The following ADARB1 variants were observed in gnomAD, a reference collection of about 807,000 sequenced individuals.
ADARB1 encodes double-stranded RNA-specific editase 1.
In ADARB1, 10 loss-of-function variants were observed where a neutral mutation model predicts 52.4. The ratio of observed to expected loss-of-function variants is 0.19; its 90% CI spans 0.12 to 0.32. The LOEUF is 0.32. Among genes scored for constraint, ADARB1 ranks in the 10% least tolerant of loss-of-function variants. The pLI is 1.00. For missense variants in ADARB1, 643 were observed against 922.3 expected (o/e 0.70, Z 3.92); for synonymous variants, 349 against 371.1 (o/e 0.94, Z 0.68).
At chr21:45,080,120 AG>A (rs2086096783) in intron 1 of ADARB1, among the ~76,000 whole-genome samples, 1 of 152,098 alleles carries the variant, frequency 6.6e-6, no homozygotes, top group Admixed American at 6.5e-5. Flanking sequence ...TGACCTTGAT[AG>A]GTTTGGAGTG....
chr21:45,119,544 A>C (rs1400749757), intron 1 of ADARB1, among the ~76,000 whole-genome samples: 1 of 152,244 alleles, frequency 6.6e-6, no homozygotes, highest in Admixed American at 6.5e-5. Flanking sequence ...AGTTCTTATG[A>C]GACGTGTTGT....
At chr21:45,161,380 G>C (rs434492) in intron 2 of ADARB1, among the ~76,000 whole-genome samples, 97,251 of 152,120 alleles carry the variant, frequency 0.64, 31,402 homozygotes, top group African/African-American at 0.74. Flanking sequence ...TGCTTGGTCT[G>C]TCCCCACTCC....
At chr21:45,159,186 A>T (rs1288235513) in intron 2 of ADARB1, among the ~76,000 whole-genome samples, 2 of 152,210 alleles carry the variant, frequency 1.3e-5, no homozygotes, top group South Asian at 4.1e-4. Flanking sequence ...AGGCCTCTCA[A>T]TCATGACGGA....
intron 3 of ADARB1, among the ~76,000 whole-genome samples, chr21:45,173,914 A>G (rs2091586661): frequency 6.6e-6 from 1 of 152,048 alleles, no homozygotes; most frequent in Non-Finnish European, 1.5e-5. Context: ...CTTAGCCTCT[A>G]CCACAGTGTG....
intron 8 of ADARB1, among the ~76,000 whole-genome samples, chr21:45,190,019 T>G (rs6518215): frequency 0.17 from 25,596 of 152,128 alleles, 3,216 homozygotes; most frequent in African/African-American, 0.35. Flanking sequence ...CAATTATTTC[T>G]TCAAATAAGC....
chr21:45,185,222 T>C, intron 8 of ADARB1, 131 bp downstream of exon 8: 1 of 1,235,234 alleles, frequency 8.1e-7, no homozygotes, highest in Non-Finnish European at 1.1e-6. Context: ...ACAGTATTCT[T>C]TGAAGGACTG....
At chr21:45,195,564 T>TG (rs2092406057) in intron 8 of ADARB1, among the ~76,000 whole-genome samples, 1 of 152,152 alleles carries the variant, frequency 6.6e-6, no homozygotes, top group Admixed American at 6.5e-5. Flanking sequence ...GTGACCTACT[T>TG]TGAGTTAATT....
chr21:45,118,096 A>G (rs2087931671), intron 1 of ADARB1, among the ~76,000 whole-genome samples: 1 of 152,248 alleles, frequency 6.6e-6, no homozygotes, highest in Admixed American at 6.5e-5. Context: ...TAACATTTAT[A>G]GTATTATGAT....
At chr21:45,138,572 A>G (rs2089520206) in intron 2 of ADARB1, among the ~76,000 whole-genome samples, 1 of 152,214 alleles carries the variant, frequency 6.6e-6, no homozygotes, top group South Asian at 2.1e-4. Flanking sequence ...GGAAGCCCTC[A>G]GCATATTTTC....
chr21:45,124,751 C>T (rs909660385), intron 1 of ADARB1, among the ~76,000 whole-genome samples: 1 of 38,450 alleles, frequency 2.6e-5, no homozygotes, highest in African/African-American at 1.2e-4. Flanking sequence ...AGTTGTATTT[C>T]TTTTCTTTTT....
chr21:45,160,558 T>C (rs1239790209), intron 2 of ADARB1, among the ~76,000 whole-genome samples: 1 of 152,286 alleles, frequency 6.6e-6, no homozygotes, highest in African/African-American at 2.4e-5. Flanking sequence ...TACTTCTGTT[T>C]AGTTATCTCA....
intron 1 of ADARB1, among the ~76,000 whole-genome samples, chr21:45,117,491 G>C (rs1397342568): frequency 6.6e-6 from 1 of 151,944 alleles, no homozygotes; most frequent in Non-Finnish European, 1.5e-5. Flanking sequence ...TAACGCAGCT[G>C]TCCCGTCACA....
At chr21:45,215,291 G>A (rs937311804) in intron 9 of ADARB1, among the ~76,000 whole-genome samples, 3 of 152,064 alleles carry the variant, frequency 2.0e-5, no homozygotes, top group Non-Finnish European at 4.4e-5. Flanking sequence ...CAAGCAACCC[G>A]CCTGCCTCAG....
chr21:45,146,552 C>T (rs2090017979), intron 2 of ADARB1, among the ~76,000 whole-genome samples: 1 of 152,172 alleles, frequency 6.6e-6, no homozygotes, highest in Non-Finnish European at 1.5e-5. Context: ...CACCTCTTTC[C>T]ACGGATGTGG....
chr21:45,132,527 A>G (rs1015696087), intron 2 of ADARB1, among the ~76,000 whole-genome samples: 5 of 152,172 alleles, frequency 3.3e-5, no homozygotes, highest in South Asian at 2.1e-4. Flanking sequence ...CTGGGCCCCC[A>G]TAAGTTATAG....
chr21:45,219,428 G>T (rs544374595), intron 9 of ADARB1, among the ~76,000 whole-genome samples: 3 of 152,290 alleles, frequency 2.0e-5, no homozygotes, highest in East Asian at 3.9e-4. Flanking sequence ...GGAGGCAGAG[G>T]CAGGAGAATC....
At chr21:45,191,429 A>G (rs2092278538) in intron 8 of ADARB1, among the ~76,000 whole-genome samples, 1 of 152,174 alleles carries the variant, frequency 6.6e-6, no homozygotes, top group African/African-American at 2.4e-5. Flanking sequence ...TTTAGTAGGT[A>G]GCCTTCATCA....
intron 2 of ADARB1, among the ~76,000 whole-genome samples, chr21:45,138,880 C>T (rs1044786460): frequency 2.0e-5 from 3 of 151,354 alleles, no homozygotes; most frequent in Admixed American, 6.6e-5. Context: ...CTCAGCTCCT[C>T]GGTGGTGTCA....
intron 1 of ADARB1, among the ~76,000 whole-genome samples, chr21:45,081,340 A>G (rs910735288): frequency 1.3e-5 from 2 of 152,266 alleles, no homozygotes; most frequent in South Asian, 2.1e-4. Context: ...TCCAGTAACA[A>G]TTTTTGACTT....
Sources: allele counts gnomAD v4.1 joint callset (sites outside exome capture counted in the v4.1 genomes callset), GRCh38; gene constraint gnomAD v4.1.1; transcripts MANE v1.5; gene names NCBI Gene and HGNC (gene_info 2026-07-23, HGNC 2026-07-21).